Variants in RARB observed in about 807,000 individuals in gnomAD.
RARB encodes retinoic acid receptor beta, also known as HBV-activated protein.
In RARB, 17 loss-of-function variants were observed where a neutral mutation model predicts 51.9. That is an observed-to-expected ratio of 0.33 (90% confidence interval 0.22 to 0.49). The LOEUF (loss-of-function observed/expected upper bound fraction) is 0.49, where lower values mean the gene tolerates loss of function less well. Ranked by LOEUF, RARB falls within the 20% of genes least tolerant of loss-of-function variation. RARB has a pLI of 0.99. For missense variants in RARB, 369 were observed against 550.8 expected, an observed-to-expected ratio of 0.67 and a Z score of 3.30; for synonymous variants, 215 against 195.4, an observed-to-expected ratio of 1.10 and a Z score of -0.84.
In RARB at chr3:25,195,069, C is replaced by G. The variant is rs75722058; in HGVS notation, c.178+20494C>G. ...TCAAATGTGTCTCTAAAAGTGTGTG[C>G]TTGACATCAGTCAGTAATTAGAAGG... On this transcript the variant is annotated intron_variant, in intron 5 of 11. Transcript: ENST00000383772. 7.1e-3 allele frequency among the ~76,000 whole-genome samples: 1,076 copies of G among 152,090 alleles called. 12 individuals are homozygous for G. The highest frequency in any genetic ancestry group is 0.024 in the African/African-American group (1,000 of 41,540).
chr3:25,092,196 A>C (rs990942299), intron 3 of RARB, among the ~76,000 whole-genome samples: 1 of 152,160 alleles, frequency 6.6e-6, no homozygotes, highest in South Asian at 2.1e-4. Flanking sequence ...AAGTTCACAA[A>C]ATCTTTCCCA....
intron 2 of RARB, among the ~76,000 whole-genome samples, chr3:25,047,864 C>T (rs145176691): frequency 3.0e-4 from 45 of 152,292 alleles, no homozygotes; most frequent in Admixed American, 1.9e-3. Flanking sequence ...CCAAATCTCA[C>T]ACCTTGAATT....
chr3:24,997,770 A>C (rs1170429731), intron 2 of RARB, among the ~76,000 whole-genome samples: 1 of 152,194 alleles, frequency 6.6e-6, no homozygotes, highest in Non-Finnish European at 1.5e-5. Flanking sequence ...CCTATTCAGC[A>C]TAAATTTTTT....
At chr3:24,897,758 T>TA (rs1338165059) in intron 2 of RARB, among the ~76,000 whole-genome samples, 1 of 151,654 alleles carries the variant, frequency 6.6e-6, no homozygotes, top group Non-Finnish European at 1.5e-5. Context: ...GAGGCTTTTT[T>TA]TTTTTTTCTT....
At chr3:25,210,568 C>G (rs1220164910) in intron 5 of RARB, among the ~76,000 whole-genome samples, 1 of 35,610 alleles carries the variant, frequency 2.8e-5, no homozygotes, top group Non-Finnish European at 7.4e-5. Context: ...TTGAGTCTCA[C>G]TCTGTTGCCC....
chr3:25,562,154 G>A (rs1005443924), intron 3 of RARB, among the ~76,000 whole-genome samples: 1 of 152,112 alleles, frequency 6.6e-6, no homozygotes, highest in Non-Finnish European at 1.5e-5. Flanking sequence ...GGCAGCTTGG[G>A]CTTCAGCAGA....
intron 2 of RARB, among the ~76,000 whole-genome samples, chr3:25,029,832 A>G (rs963200759): frequency 4.6e-5 from 7 of 152,368 alleles, no homozygotes; most frequent in Non-Finnish European, 8.8e-5. Context: ...TTAACATGGG[A>G]CAGAGTAGAA....
chr3:25,145,258 C>G (rs1221683399), intron 4 of RARB, among the ~76,000 whole-genome samples: 21 of 152,172 alleles, frequency 1.4e-4, no homozygotes, highest in Admixed American at 1.4e-3. Context: ...CCTCCCTGTT[C>G]CCTTGACAGA....
intron 5 of RARB, among the ~76,000 whole-genome samples, chr3:25,272,956 G>A (rs938423711): frequency 6.6e-6 from 1 of 152,126 alleles, no homozygotes; most frequent in African/African-American, 2.4e-5. Context: ...TCCTATCTAA[G>A]CCAGTACAAC....
Position 25,501,166 on chromosome 3 carries a change from TCTTG to T in RARB, c.307-6_307-3del, listed in dbSNP as rs770565161. 5.9e-5 allele frequency: 92 copies of T among 1,567,942 alleles called. No individual in the cohort carries two copies. The highest frequency in any genetic ancestry group is 7.4e-5 in the Non-Finnish European group (86 of 1,163,844). On this transcript the variant is annotated splice_polypyrimidine_tract_variant and intron_variant, in intron 2 of 7. Transcript: ENST00000330688. The stretch of plus-strand genomic sequence containing the variant: ...TTTGCTTTACTGAGTTTTTTCATCT[TCTTG>T]CTTGCTTGCAGGGCTTTTTCCGCAG...
At chr3:25,083,470 T>C (rs1042879602) in intron 3 of RARB, among the ~76,000 whole-genome samples, 2 of 152,162 alleles carry the variant, frequency 1.3e-5, no homozygotes, top group African/African-American at 4.8e-5. Flanking sequence ...GTATTTTTCA[T>C]TTCTAGAATT....
At chr3:25,364,097 C>T (rs1427830267) in intron 5 of RARB, among the ~76,000 whole-genome samples, 1 of 152,080 alleles carries the variant, frequency 6.6e-6, no homozygotes, top group African/African-American at 2.4e-5. Context: ...CACTTCTTAT[C>T]TTTTAGCATA....
chr3:25,029,833 C>T (rs1697831171), intron 2 of RARB, among the ~76,000 whole-genome samples: 1 of 152,194 alleles, frequency 6.6e-6, no homozygotes, highest in African/African-American at 2.4e-5. Context: ...TAACATGGGA[C>T]AGAGTAGAAG....
intron 2 of RARB, among the ~76,000 whole-genome samples, chr3:25,020,786 C>T (rs1350053495): frequency 6.6e-6 from 1 of 151,994 alleles, no homozygotes; most frequent in Admixed American, 6.6e-5. Context: ...GCTTGAGGAT[C>T]TCATTTAAAA....
At chr3:25,181,380 T>C (rs1700856856) in intron 5 of RARB, among the ~76,000 whole-genome samples, 2 of 152,206 alleles carry the variant, frequency 1.3e-5, no homozygotes, top group Non-Finnish European at 1.5e-5. Flanking sequence ...TCTGGTGATC[T>C]AACACATGGG....
chr3:25,346,435 G>A (rs1575329668), intron 5 of RARB, among the ~76,000 whole-genome samples: 1 of 152,226 alleles, frequency 6.6e-6, no homozygotes, highest in South Asian at 2.1e-4. Context: ...TTAATTAGGT[G>A]GTCAAATGAT....
chr3:25,363,258 G>A (rs1251543281), intron 5 of RARB, among the ~76,000 whole-genome samples: 1 of 152,154 alleles, frequency 6.6e-6, no homozygotes, highest in Non-Finnish European at 1.5e-5. Flanking sequence ...AACGTAGGCT[G>A]TGGGGCTAGT....
At chr3:25,209,456 C>G (rs974525774) in intron 5 of RARB, among the ~76,000 whole-genome samples, 1 of 152,186 alleles carries the variant, frequency 6.6e-6, no homozygotes, top group Admixed American at 6.5e-5. Context: ...GTTCATACTT[C>G]ATGTCCATGA....
At chr3:24,887,635 C>G (rs111380230) in intron 2 of RARB, among the ~76,000 whole-genome samples, 85 of 152,328 alleles carry the variant, frequency 5.6e-4, no homozygotes, top group African/African-American at 1.9e-3. Context: ...CTAGAATAAT[C>G]TAACAACTCT....
Sources: gnomAD v4.1 joint callset for allele counts (sites outside exome capture counted in the v4.1 genomes callset) on GRCh38, gnomAD v4.1.1 for gene constraint, MANE v1.5 for transcripts, NCBI Gene and HGNC (gene_info 2026-07-23, HGNC 2026-07-21) for gene names.